Variants in RANBP10 observed in about 807,000 individuals in gnomAD.
RANBP10 encodes ran-binding protein 10.
RANBP10 carries 24 observed loss-of-function variants against 72.8 expected under a neutral mutation model. That is an observed-to-expected ratio of 0.33 (90% CI 0.24 to 0.46). The LOEUF is 0.46. Ranked by LOEUF, RANBP10 falls within the 20% of genes least tolerant of loss-of-function variation. RANBP10 has a pLI of 1.00. For synonymous variants in RANBP10, 310 were observed against 322.3 expected, an observed-to-expected ratio of 0.96 and a Z score of 0.41; for missense variants, 679 against 817.5, an observed-to-expected ratio of 0.83 and a Z score of 2.07.
intron 3 of RANBP10, among the ~76,000 whole-genome samples, chr16:67,764,882 A>G (rs144307301): frequency 6.4e-4 from 98 of 152,346 alleles, no homozygotes; most frequent in Non-Finnish European, 1.2e-3. Context: ...CATCAAAGAA[A>G]CAGGCATGTT....
rs1238665690 is a variant in RANBP10 at position 67,734,933 on chromosome 16, C to T, written c.701G>A (p.Arg234His). 7.4e-6 allele frequency: 12 copies of T among 1,613,822 alleles called. No individual in the cohort carries two copies. Among genetic ancestry groups the T allele is most frequent in the East Asian group, 2.2e-5 (1 of 44,898 alleles). The change falls in exon 6 of 14, where the codon CGT becomes CAT. Residue 234 changes from arginine (R) to histidine (H), a missense_variant. Coordinates refer to ENST00000317506, the MANE Select transcript of RANBP10 (RefSeq NM_020850.3). ...GTGGACCGTGCCCTGGACCTTGGCACGCCACTCCCGCATGTAGTCCTCAAT... is the reference window on the plus strand; with the variant it reads ...GTGGACCGTGCCCTGGACCTTGGCATGCCACTCCCGCATGTAGTCCTCAAT... ...FDIEDYMREW[R>H]AKVQGTVHCF...
In RANBP10 at chr16:67,726,298, G is replaced by A. The variant is rs1044681867; in HGVS notation, c.*130C>T. 5.1e-6 allele frequency: 7 copies of A among 1,379,606 alleles called. No individual in the cohort carries two copies. The highest frequency in any genetic ancestry group is 6.9e-6 in the Non-Finnish European group (7 of 1,009,668). The allele number at this position is 1,379,606 out of a possible 1,614,324, so 85.5% of individuals were successfully genotyped here. ...AAGGAAGGAAGGAAAGGGAGAGGGG[G>A]AAAGGCCAGGCAGGAGGAGTGGACT... On this transcript the variant is annotated 3_prime_UTR_variant, in exon 14 of 14. Transcript: ENST00000317506.
chr16:67,729,353 T>G lies in RANBP10; in HGVS notation c.1279A>C (p.Asn427His). Residue 427 changes from asparagine to histidine, a missense_variant, in exon 10 of 14, where the codon AAT (asparagine) becomes CAT (histidine). Asn to His is a moderately conservative substitution (Grantham distance 68). Transcript: ENST00000317506. The surrounding 1 kb of genome is among the most constrained non-coding windows in gnomAD (Gnocchi z 7.1). ...SSSSSSPSSV[N>H]YSESNSTDST... is the part of the protein sequence containing the mutation. The stretch of plus-strand genomic sequence containing the variant: ...TCTGTTGAGTTGGACTCGGAGTAAT[T>G]GACGGAGGATGGGGAAGAGGACGAG... The G allele has an allele frequency of 6.2e-7, 1 of 1,612,448 alleles. No individual in the cohort carries two copies. The highest frequency in any genetic ancestry group is 1.1e-5 in the South Asian group (1 of 90,992).
intron 6 of RANBP10, among the ~76,000 whole-genome samples, chr16:67,734,594 C>T (rs1223091277): frequency 6.6e-6 from 1 of 152,168 alleles, no homozygotes; most frequent in Non-Finnish European, 1.5e-5. Context: ...GGAAAACAGC[C>T]CTGCTGGTGA....
chr16:67,749,723 C>T (rs921989970), intron 3 of RANBP10, among the ~76,000 whole-genome samples: 3 of 152,186 alleles, frequency 2.0e-5, no homozygotes, highest in African/African-American at 4.8e-5. Context: ...CTCATGAGGC[C>T]GTCACAGTCA....
intron 3 of RANBP10, among the ~76,000 whole-genome samples, chr16:67,754,839 C>T (rs890636427): frequency 1.3e-5 from 2 of 152,208 alleles, no homozygotes; most frequent in South Asian, 4.1e-4. Flanking sequence ...ACCTCGGACC[C>T]TGGTTCCCTT....
chr16:67,776,727 G>A (rs2054712718), intron 2 of RANBP10, among the ~76,000 whole-genome samples: 2 of 140,724 alleles, frequency 1.4e-5, no homozygotes, highest in African/African-American at 2.7e-5. Context: ...AGCTGAGATC[G>A]AGCCACTGCA....
intron 2 of RANBP10, among the ~76,000 whole-genome samples, chr16:67,804,393 T>C (rs1230187009): frequency 6.6e-6 from 1 of 152,008 alleles, no homozygotes; most frequent in Non-Finnish European, 1.5e-5. Flanking sequence ...GTCTCCCTAA[T>C]GCTGACTTTT....
At chr16:67,787,234 A>T (rs983412780) in intron 2 of RANBP10, among the ~76,000 whole-genome samples, 1 of 152,118 alleles carries the variant, frequency 6.6e-6, no homozygotes, top group Non-Finnish European at 1.5e-5. Context: ...GTGAGACTCT[A>T]TCTCAATCAA....
intron 1 of RANBP10, 30 bp from the exon 2 acceptor site, chr16:67,805,569 A>T: frequency 6.3e-7 from 1 of 1,588,470 alleles, no homozygotes; most frequent in Non-Finnish European, 8.6e-7. Flanking sequence ...AAGAAATTTC[A>T]GCAGAAGGAA....
chr16:67,732,580 A>T (rs548683391), intron 6 of RANBP10, among the ~76,000 whole-genome samples: 336 of 152,238 alleles, frequency 2.2e-3, no homozygotes, highest in Non-Finnish European at 3.7e-3. Flanking sequence ...CATAAATAAG[A>T]CTTCTTATTA....
At chr16:67,744,533 T>C in intron 3 of RANBP10, 78 bp from the exon 4 acceptor site, 1 of 1,415,260 alleles carries the variant, frequency 7.1e-7, no homozygotes, top group Non-Finnish European at 9.6e-7. Context: ...CCCACCCAGG[T>C]CTCTCAGCCT....
intron 3 of RANBP10, among the ~76,000 whole-genome samples, chr16:67,765,358 C>T (rs1290801034): frequency 6.6e-6 from 1 of 151,764 alleles, no homozygotes; most frequent in African/African-American, 2.4e-5. Flanking sequence ...GAAACCCTGT[C>T]TTTACTAAAA....
At chr16:67,749,669 G>A (rs2054157955) in intron 3 of RANBP10, among the ~76,000 whole-genome samples, 1 of 152,184 alleles carries the variant, frequency 6.6e-6, no homozygotes. Context: ...CAGAGAAATA[G>A]CTCTTTTGGG....
At chr16:67,749,126 G>C (rs776507767) in intron 3 of RANBP10, among the ~76,000 whole-genome samples, 4 of 152,130 alleles carry the variant, frequency 2.6e-5, no homozygotes, top group Non-Finnish European at 4.4e-5. Context: ...AGAAAAGAAG[G>C]ATAACAGGGC....
intron 3 of RANBP10, among the ~76,000 whole-genome samples, chr16:67,756,532 G>A (rs917019905): frequency 2.0e-5 from 3 of 152,068 alleles, no homozygotes; most frequent in Admixed American, 6.6e-5. Flanking sequence ...GTGAAACCTC[G>A]TCTCTACTAA....
chr16:67,794,075 G>T (rs2055080534), intron 2 of RANBP10, among the ~76,000 whole-genome samples: 1 of 151,960 alleles, frequency 6.6e-6, no homozygotes, highest in South Asian at 2.1e-4. Context: ...AGAGGTGGGG[G>T]TCTCACTATG....
chr16:67,751,327 A>G (rs957814457), intron 3 of RANBP10, among the ~76,000 whole-genome samples: 4 of 152,224 alleles, frequency 2.6e-5, no homozygotes, highest in African/African-American at 9.6e-5. Flanking sequence ...CTATATAACT[A>G]TTTTGACAAA....
chr16:67,782,244 A>C (rs749823729), intron 2 of RANBP10, among the ~76,000 whole-genome samples: 4 of 152,164 alleles, frequency 2.6e-5, no homozygotes, highest in South Asian at 4.2e-4. Context: ...GGCTCAAGCC[A>C]TCCTCCCACA....
Sources: allele counts gnomAD v4.1 joint callset (sites outside exome capture counted in the v4.1 genomes callset), GRCh38; gene constraint gnomAD v4.1.1; non-coding constraint Gnocchi (gnomAD v3.1); transcripts MANE v1.5; gene names NCBI Gene and HGNC (gene_info 2026-07-23, HGNC 2026-07-21).